Variants in PLXNB2 observed in about 807,000 individuals in gnomAD.
PLXNB2 encodes plexin-B2.
A neutral mutation model predicts 202.6 loss-of-function variants in PLXNB2; 85 were observed. The ratio of observed to expected loss-of-function variants is 0.42; its 90% CI spans 0.35 to 0.50. The LOEUF is 0.50. PLXNB2 is among the 20% of genes least tolerant of loss of function. PLXNB2 has a pLI of 0.02. For missense variants in PLXNB2, 2,063 were observed against 2,586.2 expected (o/e 0.80, Z 4.39); for synonymous variants, 1,239 against 1,137.6 (o/e 1.09, Z -1.79).
In PLXNB2 at chr22:50,283,626, G is replaced by T; in HGVS notation, c.2546C>A (p.Pro849Gln). The change falls in exon 15 of 37, where the codon CCG (proline) becomes CAG (glutamine). Residue 849 changes from proline to glutamine, a missense_variant. Around this residue, in one of 2 missense-constraint regions of PLXNB2, gnomAD observed 1,303 missense variants for 1,476.8 expected, o/e 0.88. Transcript: ENST00000359337. The part of the protein sequence containing the change: ...SVAGRNCSFQ[P>Q]ERYSVSTRIV... ...CCGGGTGGACACGGAGTAACGTTCCGGCTGAAAGGAGCAGTTCCGGCCGGC... is the reference window on the plus strand; with the variant it reads ...CCGGGTGGACACGGAGTAACGTTCCTGCTGAAAGGAGCAGTTCCGGCCGGC... 2 of 1,612,754 alleles carry T rather than the reference G, an allele frequency of 1.2e-6. No individual in the cohort carries two copies. The highest frequency in any genetic ancestry group is 1.7e-6 in the Non-Finnish European group (2 of 1,179,888).
At chr22:50,302,870 G>A (rs1159889593) in intron 1 of PLXNB2, among the ~76,000 whole-genome samples, 1 of 152,152 alleles carries the variant, frequency 6.6e-6, no homozygotes, top group Non-Finnish European at 1.5e-5. Context: ...CACAGGGCCT[G>A]GGCTCAGCAG....
At chr22:50,282,464 G>A (rs568517674) in intron 18 of PLXNB2, 151 bp from the exon 19 acceptor site, 5 of 834,704 alleles carry the variant, frequency 6.0e-6, no homozygotes, top group Non-Finnish European at 7.3e-6. Context: ...GCGGTGGGAC[G>A]TGCTGAGCAC....
intron 7 of PLXNB2, 125 bp downstream of exon 7, chr22:50,287,542 G>T: frequency 9.5e-7 from 1 of 1,052,116 alleles, no homozygotes; most frequent in Non-Finnish European, 1.3e-6. Flanking sequence ...AAGGCTCGGT[G>T]CCCAGAGCCC....
chr22:50,277,594 G>C lies in PLXNB2; in HGVS notation c.5193C>G (p.Ser1731Arg). ...GACCTGCCCCCACCCCACTCACGCG[G>C]CTCAGCTTATGCTCCGTGCGCGTGC... ...DACTRTEHKL[S>R]RDSPSNKLLY... is the part of the protein sequence containing the mutation. Residue 1731 changes from serine (S) to arginine (R), a missense_variant, in exon 33 of 37, where the codon AGC becomes AGG. Coordinates refer to ENST00000359337, the MANE Select transcript of PLXNB2 (RefSeq NM_012401.4). 6.4e-7 allele frequency: 1 copy of C among 1,568,706 alleles called. No individual in the cohort carries two copies. Among genetic ancestry groups the C allele is most frequent in the Non-Finnish European group, 8.7e-7 (1 of 1,153,174 alleles).
At chr22:50,276,071 G>T in intron 35 of PLXNB2, 108 bp from the exon 36 acceptor site, 1 of 1,017,558 alleles carries the variant, frequency 9.8e-7, no homozygotes, top group Non-Finnish European at 1.5e-6. Context: ...GAAGCAGCTG[G>T]GGCCTTGGGC....
In PLXNB2 at chr22:50,287,165, C is replaced by T. The variant is rs1447016564; in HGVS notation, c.1708G>A (p.Glu570Lys). ...CTTGGGGAGTTGCAGATGACGGCCTCGCCCTCCACGCGGGCGGGGTGTGGC... is the reference window on the plus strand; with the variant it reads ...CTTGGGGAGTTGCAGATGACGGCCTTGCCCTCCACGCGGGCGGGGTGTGGC... ...SPPHPARVEG[E>K]AVICNSPSSI... Residue 570 changes from glutamate to lysine, a missense_variant, in exon 8 of 37, where the codon GAG (glutamate) becomes AAG (lysine). Transcript: ENST00000359337. 18 of 1,546,568 alleles carry T rather than the reference C, an allele frequency of 1.2e-5. No individual in the cohort carries two copies. In the East Asian group the frequency reaches 3.4e-4, roughly 29 times the overall value.
chr22:50,286,431 T>A, intron 8 of PLXNB2, 144 bp from the exon 9 acceptor site: 1 of 620,204 alleles, frequency 1.6e-6, no homozygotes, highest in East Asian at 2.7e-5. Context: ...GCATTCATGT[T>A]GGGCGGGGCC....
intron 27 of PLXNB2, among the ~76,000 whole-genome samples, 185 bp from the exon 28 acceptor site, chr22:50,279,196 G>C (rs1383409702): frequency 1.3e-5 from 2 of 152,216 alleles, no homozygotes; most frequent in Non-Finnish European, 2.9e-5. Context: ...TCCCCTGCCT[G>C]CTCCGGCTCA....
chr22:50,305,467 C>T (rs1362394717), intron 1 of PLXNB2, among the ~76,000 whole-genome samples: 1 of 152,244 alleles, frequency 6.6e-6, no homozygotes, highest in African/African-American at 2.4e-5. Flanking sequence ...TCGCAGATGA[C>T]TCCTCACATA....
Position 50,282,730 on chromosome 22 carries a change from G to A in PLXNB2, c.2968C>T (p.Pro990Ser). 2 of 1,602,648 alleles carry A rather than the reference G, an allele frequency of 1.2e-6. No homozygotes were observed. The highest frequency in any genetic ancestry group is 8.5e-7 in the Non-Finnish European group (1 of 1,175,488). Residue 990 changes from proline to serine, a missense_variant, in exon 18 of 37, where the codon CCG (proline) becomes TCG (serine). Pro to Ser is a moderately conservative substitution (Grantham distance 74, BLOSUM62 -1). Around this residue, in one of 2 missense-constraint regions of PLXNB2, gnomAD observed 1,303 missense variants for 1,476.8 expected, o/e 0.88. Transcript: ENST00000359337. ...CCTCACCTGGCAAAGCTTCGTAGCG[G>A]CTCGAAGGCTCGCAGTACGGGGTTT... ...RENPVLRAFE[P>S]LRSFASGGRS...
chr22:50,292,253 G>A (rs1009513603), intron 2 of PLXNB2, among the ~76,000 whole-genome samples: 6 of 150,678 alleles, frequency 4.0e-5, no homozygotes, highest in Admixed American at 3.3e-4. Flanking sequence ...CAGGAGAATC[G>A]CGTGAACCTG....
At position 50,283,851 on chromosome 22, in the gene PLXNB2, C is replaced by T. The variant is rs753083037; in HGVS notation, c.2403G>A (p.Pro801=). 3.4e-5 allele frequency: 54 copies of T among 1,608,742 alleles called. No homozygotes were observed. Among genetic ancestry groups the T allele is most frequent in the East Asian group, 6.7e-5 (3 of 44,722 alleles). The stretch of plus-strand genomic sequence containing the variant: ...GGCTCACCCTGGTGATGACGGGCGG[C>T]GGGCACTCGGAGGTGGTGTTGCACA... ...EALCNTTSEC[P]PPVITRIQPE... The change falls in exon 14 of 37, where the codon CCG becomes CCA. Residue 801 remains proline, a synonymous_variant. Coordinates refer to ENST00000359337, the MANE Select transcript of PLXNB2 (RefSeq NM_012401.4).
At chr22:50,307,241 G>A (rs1425699062) in intron 1 of PLXNB2, among the ~76,000 whole-genome samples, 2 of 152,134 alleles carry the variant, frequency 1.3e-5, no homozygotes, top group Non-Finnish European at 2.9e-5. Flanking sequence ...TCGGCGCACG[G>A]AGCTCGGCGG....
In PLXNB2 at chr22:50,287,744, G is replaced by A. The variant is rs775613697; in HGVS notation, c.1531C>T (p.Leu511=). The change falls in exon 7 of 37, where the codon CTG becomes TTG. Residue 511 remains leucine (L), a synonymous_variant. Coordinates refer to ENST00000359337, the MANE Select transcript of PLXNB2 (RefSeq NM_012401.4). ...ACGCAGGACTTGCTTCGGCTCCACAGCCAGTGGCTGGCCTCCTCGGCCCGC... is the reference window on the plus strand; with the variant it reads ...ACGCAGGACTTGCTTCGGCTCCACAACCAGTGGCTGGCCTCCTCGGCCCGC... ...CPRAEEASHW[L]WSRSKSCVAV... is the part of the protein sequence containing the mutation. 39 of 1,583,630 alleles carry A rather than the reference G, an allele frequency of 2.5e-5. No homozygotes were observed. The highest frequency in any genetic ancestry group is 3.4e-5 in the South Asian group (3 of 88,008).
At chr22:50,296,670 C>T (rs887525590) in intron 1 of PLXNB2, among the ~76,000 whole-genome samples, 2 of 151,218 alleles carry the variant, frequency 1.3e-5, no homozygotes, top group Non-Finnish European at 2.9e-5. Flanking sequence ...CAAGATGTGA[C>T]TCTCCAGGCC....
At position 50,288,693 on chromosome 22, in the gene PLXNB2, G is replaced by T; in HGVS notation, c.1380+50C>A. On this transcript the variant is annotated intron_variant, in intron 5 of 36. Coordinates refer to ENST00000359337, the MANE Select transcript of PLXNB2 (RefSeq NM_012401.4). This position sits in a 1 kb window ranked among gnomAD's most constrained non-coding sequence, Gnocchi z 5.0. ...CTGTCCTAAGGGCCTGGGATGCAAT[G>T]ACCGGGCACACTTGGCCTAGAGTGC... 2 of 1,604,634 alleles carry T rather than the reference G, an allele frequency of 1.2e-6. No individual in the cohort carries two copies. The highest frequency in any genetic ancestry group is 2.2e-5 in the South Asian group (2 of 89,838).
rs1332845035 is a variant in PLXNB2 at position 50,279,712 on chromosome 22, G to A, written c.4307C>T (p.Pro1436Leu). ...KAIKHQVEKG[P>L]VDAVQKKAKY... ...GGCCTTCTTCTGTACCGCATCCACC[G>A]GGCCCTTTTCCACCTGATGTTTGAT... Residue 1436 changes from proline to leucine, a missense_variant, in exon 27 of 37, where the codon CCG becomes CTG. Physicochemically the swap from Pro to Leu is moderately conservative, Grantham distance 98 (BLOSUM62 -3). Transcript: ENST00000359337. 3.1e-6 allele frequency: 5 copies of A among 1,613,758 alleles called. No individual in the cohort carries two copies. The African/African-American group carries it at 4.0e-5, about 13-fold the overall frequency.
chr22:50,284,631 T>C lies in PLXNB2; in HGVS notation c.2123A>G (p.Lys708Arg). The change falls in exon 12 of 37, where the codon AAG becomes AGG. Residue 708 changes from lysine to arginine, a missense_variant. Transcript: ENST00000359337. This position sits in a 1 kb window ranked among gnomAD's most constrained non-coding sequence, Gnocchi z 8.0. The stretch of plus-strand genomic sequence containing the variant: ...CTGCATGGTCACCGGCTCCATGAAC[T>C]TGAGCAAGTCACTGCCCACGTGCAG... ...SSLHVGSDLL[K>R]FMEPVTMQES... 1 of 1,612,138 alleles carries C rather than the reference T, an allele frequency of 6.2e-7. No homozygotes were observed. The highest frequency in any genetic ancestry group is 8.5e-7 in the Non-Finnish European group (1 of 1,179,452).
chr22:50,297,194 T>A lies in PLXNB2; in HGVS notation c.-73-2416A>T, dbSNP rs1374442013. On this transcript the variant is annotated intron_variant, in intron 1 of 36. Transcript: ENST00000359337. The surrounding 1 kb of genome is among the most constrained non-coding windows in gnomAD (Gnocchi z 5.3). Reference sequence around the variant, plus strand: ...TGGCACGGTACCCCCAGACCTGCCATCTTGAAGGGACGCCACACCGGCCTG... The same window carrying A: ...TGGCACGGTACCCCCAGACCTGCCAACTTGAAGGGACGCCACACCGGCCTG... Among the ~76,000 whole-genome samples, 1 of 152,022 alleles carries A rather than the reference T, an allele frequency of 6.6e-6. No homozygotes were observed. The highest frequency in any genetic ancestry group is 1.9e-4 in the East Asian group (1 of 5,166).
Sources: allele counts gnomAD v4.1 joint callset (sites outside exome capture counted in the v4.1 genomes callset), GRCh38; gene constraint gnomAD v4.1.1; regional missense constraint gnomAD v4.1.1; non-coding constraint Gnocchi (gnomAD v3.1); transcripts MANE v1.5; gene names NCBI Gene and HGNC (gene_info 2026-07-23, HGNC 2026-07-21).